Variants in ADD3 observed in about 807,000 individuals in gnomAD.
ADD3 encodes the protein gamma-adducin.
In ADD3, 25 loss-of-function variants were observed where a neutral mutation model predicts 80.2. The observed-to-expected ratio is 0.31, with a 90% CI of 0.23 to 0.44. The LOEUF is 0.44. Among genes scored for constraint, ADD3 ranks in the 20% least tolerant of loss-of-function variants. The pLI is 1.00. For missense variants in ADD3, 829 were observed against 847.5 expected, an observed-to-expected ratio of 0.98 and a Z score of 0.27; for synonymous variants, 284 against 289.6, an observed-to-expected ratio of 0.98 and a Z score of 0.20.
intron 1 of ADD3, among the ~76,000 whole-genome samples, chr10:110,022,578 T>C (rs933336522): frequency 1.3e-5 from 2 of 152,226 alleles, no homozygotes; most frequent in African/African-American, 4.8e-5. Flanking sequence ...GTCCATATTA[T>C]TTGAATGGCT....
intron 2 of ADD3, among the ~76,000 whole-genome samples, chr10:110,109,434 T>C (rs1849742451): frequency 6.6e-6 from 1 of 152,190 alleles, no homozygotes. Flanking sequence ...TTCTTACCTA[T>C]ATTTATTTTT....
At chr10:110,045,253 C>CT (rs1856793381) in intron 1 of ADD3, among the ~76,000 whole-genome samples, 1 of 152,046 alleles carries the variant, frequency 6.6e-6, no homozygotes, top group South Asian at 2.1e-4. Flanking sequence ...ACTTGGGAGG[C>CT]TAAGGCAGAA....
chr10:110,051,086 G>A (rs967898045), intron 1 of ADD3, among the ~76,000 whole-genome samples: 1 of 152,186 alleles, frequency 6.6e-6, no homozygotes, highest in Admixed American at 6.5e-5. Context: ...AAGAAATAGT[G>A]CTGGGAAAAC....
At chr10:110,045,874 G>T (rs1021909430) in intron 1 of ADD3, among the ~76,000 whole-genome samples, 4 of 152,144 alleles carry the variant, frequency 2.6e-5, no homozygotes, top group Admixed American at 2.6e-4. Flanking sequence ...TCTTCTTGCT[G>T]TTGCCGTGAG....
chr10:110,119,603 T>C (rs370472086), intron 8 of ADD3, 39 bp downstream of exon 8: 34 of 1,546,146 alleles, frequency 2.2e-5, no homozygotes, highest in Non-Finnish European at 2.8e-5. Flanking sequence ...TGCTTTGTTA[T>C]TTGCTCGTTT....
chr10:110,001,205 G>A (rs906980233), upstream of ADD3, among the ~76,000 whole-genome samples: 7 of 151,814 alleles, frequency 4.6e-5, no homozygotes, highest in Non-Finnish European at 8.8e-5. Context: ...ACTTGAGCCC[G>A]GTAGTTCAAG....
chr10:110,134,821 T>G lies in ADD3; in HGVS notation c.*1203T>G, dbSNP rs1220554153. ...AAAGGGTCAAATCTTTCTAATTTTT[T>G]GTATCTTTAGAGGGCAGCACTAGAA... On this transcript the variant is annotated 3_prime_UTR_variant, in exon 15 of 15. Coordinates refer to ENST00000356080, the MANE Select transcript of ADD3 (RefSeq NM_016824.5). 1 of 152,652 alleles carries G rather than the reference T, an allele frequency of 6.6e-6. No homozygotes were observed. Among genetic ancestry groups the G allele is most frequent in the Non-Finnish European group, 1.5e-5 (1 of 68,034 alleles). The allele number at this position is 152,652 out of a possible 1,614,324, so 9.5% of individuals were successfully genotyped here. A position where few individuals can be genotyped will look rare whatever the true frequency, so the allele number is the denominator to read the frequency against.
At chr10:110,126,841 C>T (rs547621257) in intron 12 of ADD3, among the ~76,000 whole-genome samples, 28 of 152,310 alleles carry the variant, frequency 1.8e-4, no homozygotes, top group South Asian at 4.1e-4. Context: ...CACTGCTCCT[C>T]GTCCTCCTTT....
At chr10:110,022,294 T>C (rs1010047161) in intron 1 of ADD3, among the ~76,000 whole-genome samples, 2 of 152,146 alleles carry the variant, frequency 1.3e-5, no homozygotes, top group Admixed American at 1.3e-4. Context: ...TTTCTCCATA[T>C]CTATAATTTT....
At chr10:110,105,073 GA>G (rs1000518749) in intron 2 of ADD3, among the ~76,000 whole-genome samples, 36 of 152,128 alleles carry the variant, frequency 2.4e-4, no homozygotes, top group African/African-American at 7.0e-4. Flanking sequence ...AAATTTGGAT[GA>G]CAAAAATCAC....
chr10:110,099,995 G>A (rs1442289678), intron 1 of ADD3, among the ~76,000 whole-genome samples: 1 of 152,086 alleles, frequency 6.6e-6, no homozygotes, highest in Non-Finnish European at 1.5e-5. Context: ...AGGAGTTGGG[G>A]GCCAGGCACA....
intron 1 of ADD3, among the ~76,000 whole-genome samples, chr10:110,080,850 T>A (rs1418299412): frequency 6.6e-6 from 1 of 152,168 alleles, no homozygotes; most frequent in African/African-American, 2.4e-5. Context: ...GGAAGCTGCT[T>A]TAGAGGTGAA....
chr10:110,122,190 T>C lies in ADD3; in HGVS notation c.1041T>C (p.Thr347=), dbSNP rs1263761319. 1.2e-6 allele frequency: 2 copies of C among 1,614,066 alleles called. No homozygotes were observed. Among genetic ancestry groups the C allele is most frequent in the Admixed American group, 1.7e-5 (1 of 60,006 alleles). Residue 347 remains threonine, a synonymous_variant, in exon 9 of 15, where the codon ACT becomes ACC. Coordinates refer to ENST00000356080, the MANE Select transcript of ADD3 (RefSeq NM_016824.5). ...DFQKYKAFTY[T]VAASGGGGVN... ...AGAAGTATAAAGCTTTCACTTACACTGTAGCAGCGTCTGGTGGAGGAGGTG... is the reference window on the plus strand; with the variant it reads ...AGAAGTATAAAGCTTTCACTTACACCGTAGCAGCGTCTGGTGGAGGAGGTG...
chr10:110,061,102 A>G (rs1858832571), intron 1 of ADD3, among the ~76,000 whole-genome samples: 1 of 152,212 alleles, frequency 6.6e-6, no homozygotes, highest in Admixed American at 6.5e-5. Flanking sequence ...TATTACTCTG[A>G]AAAACCCACC....
intron 1 of ADD3, among the ~76,000 whole-genome samples, chr10:110,020,089 T>C (rs571161205): frequency 1.4e-4 from 21 of 152,356 alleles, no homozygotes; most frequent in African/African-American, 5.0e-4. Flanking sequence ...CTGAACTTTA[T>C]TAGATGTAGT....
At chr10:110,099,540 C>T (rs866939095) in intron 1 of ADD3, among the ~76,000 whole-genome samples, 2 of 152,088 alleles carry the variant, frequency 1.3e-5, no homozygotes, top group African/African-American at 4.8e-5. Flanking sequence ...TAGAAAATAT[C>T]GGAATATACC....
chr10:110,077,453 T>G (rs1845497890), intron 1 of ADD3, among the ~76,000 whole-genome samples: 1 of 152,218 alleles, frequency 6.6e-6, no homozygotes, highest in South Asian at 2.1e-4. Context: ...GTACTGAATT[T>G]ATTGGACCCA....
chr10:110,034,866 G>A (rs1273915665), intron 1 of ADD3, among the ~76,000 whole-genome samples: 1 of 152,166 alleles, frequency 6.6e-6, no homozygotes. Context: ...ACTAAGTATA[G>A]ACAAGCTTCT....
intron 1 of ADD3, among the ~76,000 whole-genome samples, chr10:110,010,063 C>G (rs771772922): frequency 6.6e-6 from 1 of 152,212 alleles, no homozygotes; most frequent in East Asian, 1.9e-4. Context: ...CAATATTATG[C>G]TGGCATGAAT....
Sources: allele counts gnomAD v4.1 joint callset (sites outside exome capture counted in the v4.1 genomes callset), GRCh38; gene constraint gnomAD v4.1.1; transcripts MANE v1.5; gene names NCBI Gene and HGNC (gene_info 2026-07-23, HGNC 2026-07-21).